The following PLCD1 variants were observed in gnomAD, a reference collection of about 807,000 sequenced individuals.
PLCD1 encodes 1-phosphatidylinositol 4,5-bisphosphate phosphodiesterase delta-1.
Under a neutral mutation model 87.4 loss-of-function variants are expected in PLCD1, and 71 were observed. The observed-to-expected ratio is 0.81, with a 90% CI of 0.67 to 0.99. The LOEUF is 0.99. Ranked by LOEUF, PLCD1 falls within the 50% of genes least tolerant of loss-of-function variation. The pLI, the probability that PLCD1 is intolerant of heterozygous loss-of-function variation, is 0.00. For synonymous variants in PLCD1, 348 were observed against 399.2 expected, an observed-to-expected ratio of 0.87 and a Z score of 1.53; for missense variants, 867 against 1,001.5, an observed-to-expected ratio of 0.87 and a Z score of 1.81.
At chr3:38,022,995 G>A (rs368713897) in intron 1 of PLCD1, among the ~76,000 whole-genome samples, 169 of 152,254 alleles carry the variant, frequency 1.1e-3, no homozygotes, top group African/African-American at 3.5e-3. Flanking sequence ...CCTCCTGTGG[G>A]AGGGTCGTGG....
intron 3 of PLCD1, among the ~76,000 whole-genome samples, chr3:38,012,630 C>T (rs1700097845): frequency 6.6e-6 from 1 of 151,444 alleles, no homozygotes; most frequent in South Asian, 2.1e-4. Flanking sequence ...AATTCTCCTG[C>T]CCTAGCCTCC....
Position 38,011,441 on chromosome 3 carries a change from C to A in PLCD1, c.563G>T (p.Cys188Phe), listed in dbSNP as rs772916492. Reference sequence around the variant, plus strand: ...CAGGGAGTCTGTCTGGGAGTGGTCACACTCCTGCAGAGCCAGGACAGCCGA... The same window carrying A: ...CAGGGAGTCTGTCTGGGAGTGGTCAAACTCCTGCAGAGCCAGGACAGCCGA... ...DSYARKIFRE[C>F]DHSQTDSLED... Residue 188 changes from cysteine to phenylalanine, a missense_variant, in exon 5 of 15, where the codon TGT becomes TTT. Transcript: ENST00000334661. 1 of 1,614,028 alleles carries A rather than the reference C, an allele frequency of 6.2e-7. No individual in the cohort carries two copies. Among genetic ancestry groups the A allele is most frequent in the Non-Finnish European group, 8.5e-7 (1 of 1,179,878 alleles).
At position 38,008,527 on chromosome 3, in the gene PLCD1, G is replaced by A. The variant is rs763233501; in HGVS notation, c.1833C>T (p.Pro611=). The change falls in exon 12 of 15, where the codon CCC becomes CCT. Residue 611 remains proline, a synonymous_variant. Coordinates refer to ENST00000334661, the MANE Select transcript of PLCD1 (RefSeq NM_006225.4). The part of the protein sequence containing the change: ...YVLKPAFLRD[P]NGTFNPRALA... ...GGGCGCGGGGGTTAAAGGTGCCGTTGGGGTCTCGCAGGAAGGCGGGCTTCA... is the reference window on the plus strand; with the variant it reads ...GGGCGCGGGGGTTAAAGGTGCCGTTAGGGTCTCGCAGGAAGGCGGGCTTCA... 1 of 1,614,196 alleles carries A rather than the reference G, an allele frequency of 6.2e-7. No homozygotes were observed. The highest frequency in any genetic ancestry group is 2.2e-5 in the East Asian group (1 of 44,880).
rs1244514203 is a variant in PLCD1 at position 38,025,850 on chromosome 3, C to G, written c.34+3656G>C. ...TCTTACTCTCAGCCTCTGAATAGTT[C>G]CCCCAGTTCGCTTCACTGCAGCTCC... On this transcript the variant is annotated intron_variant, in intron 1 of 14. Transcript: ENST00000334661. The surrounding 1 kb of genome is among the most constrained non-coding windows in gnomAD (Gnocchi z 4.0). Among the ~76,000 whole-genome samples the G allele has an allele frequency of 6.6e-6, 1 of 152,190 alleles. No homozygotes were observed. The highest frequency in any genetic ancestry group is 1.5e-5 in the Non-Finnish European group (1 of 68,046).
intron 3 of PLCD1, among the ~76,000 whole-genome samples, chr3:38,013,137 G>A (rs1227236367): frequency 1.3e-5 from 2 of 151,576 alleles, no homozygotes; most frequent in Non-Finnish European, 2.9e-5. Flanking sequence ...CGATCCACCT[G>A]CCTCAGCCTC....
At chr3:38,016,400 C>T (rs1244217555) in intron 3 of PLCD1, 91 bp downstream of exon 3, 9 of 827,730 alleles carry the variant, frequency 1.1e-5, no homozygotes, top group African/African-American at 1.7e-5. Context: ...CCCAAAGTAC[C>T]TAAACCAGCT....
At chr3:38,013,197 A>G (rs1408002196) in intron 3 of PLCD1, among the ~76,000 whole-genome samples, 1 of 132,066 alleles carries the variant, frequency 7.6e-6, no homozygotes, top group African/African-American at 2.9e-5. Flanking sequence ...GCCTTTCTGG[A>G]TTTTAATTTT....
chr3:38,010,188 G>T lies in PLCD1; in HGVS notation c.1080C>A (p.Phe360Leu). Residue 360 changes from phenylalanine (F) to leucine (L), a missense_variant, in exon 7 of 15, where the codon TTC becomes TTA. By Grantham distance (22) the Phe-to-Leu change is conservative. Coordinates refer to ENST00000334661, the MANE Select transcript of PLCD1 (RefSeq NM_006225.4). Reference protein sequence around the residue: ...QEPIIYHGYTFTSKILFCDVL... With the variant: ...QEPIIYHGYTLTSKILFCDVL... The stretch of plus-strand genomic sequence containing the variant: ...CATCGCAGAAGAGGATCTTGGAAGT[G>T]AAAGTATAGCCGTGGTAGATGATTG... 1.2e-6 allele frequency: 2 copies of T among 1,614,252 alleles called. No individual in the cohort carries two copies. Among genetic ancestry groups the T allele is most frequent in the Non-Finnish European group, 1.7e-6 (2 of 1,180,034 alleles).
At chr3:38,015,135 T>C (rs993612672) in intron 3 of PLCD1, among the ~76,000 whole-genome samples, 7 of 152,236 alleles carry the variant, frequency 4.6e-5, no homozygotes, top group African/African-American at 1.4e-4. Context: ...CCAAAACTTA[T>C]ACACGAATGT....
intron 5 of PLCD1, 80 bp downstream of exon 5, chr3:38,011,134 C>G: frequency 8.8e-7 from 1 of 1,130,268 alleles, no homozygotes; most frequent in Non-Finnish European, 1.3e-6. Context: ...TCCCTTCTTT[C>G]TGGCTGCAGT....
In PLCD1 at chr3:38,010,283, G is replaced by A; in HGVS notation, c.993-8C>T. On this transcript the variant is annotated splice_polypyrimidine_tract_variant and splice_region_variant and intron_variant, in intron 6 of 14. Coordinates refer to ENST00000334661, the MANE Select transcript of PLCD1 (RefSeq NM_006225.4). ...CAGCCTTTGCACAGTGCCCTGCGGG[G>A]AGGGTGGTGGCTAGGACCCTCCAGG... The A allele has an allele frequency of 1.9e-6, 3 of 1,614,242 alleles. No homozygotes were observed. The highest frequency in any genetic ancestry group is 2.5e-6 in the Non-Finnish European group (3 of 1,180,038).
In PLCD1 at chr3:38,016,635, C is replaced by T. The variant is rs372740772; in HGVS notation, c.284G>A (p.Arg95His). ...GTCCTTGAAGACAATGGAGAAGCAG[C>T]GGTCCTCGGGCACATCACGGGCGAA... is the stretch of plus-strand genomic sequence containing the variant. ...EKFARDVPED[R>H]CFSIVFKDQR... Residue 95 changes from arginine to histidine, a missense_variant, in exon 3 of 15, where the codon CGC (arginine) becomes CAC (histidine). Arg to His is a conservative substitution (Grantham distance 29). Coordinates refer to ENST00000334661, the MANE Select transcript of PLCD1 (RefSeq NM_006225.4). 1.1e-4 allele frequency: 174 copies of T among 1,609,286 alleles called. 1 individual carries two copies. The highest frequency in any genetic ancestry group is 1.6e-4 in the Middle Eastern group (1 of 6,082).
At chr3:38,021,697 T>C (rs1700236265) in intron 1 of PLCD1, among the ~76,000 whole-genome samples, 1 of 152,202 alleles carries the variant, frequency 6.6e-6, no homozygotes, top group Non-Finnish European at 1.5e-5. Flanking sequence ...TCCCTAGAAC[T>C]ATGTGGCCCA....
chr3:38,008,422 G>C, intron 12 of PLCD1, 36 bp downstream of exon 12: 2 of 1,614,110 alleles, frequency 1.2e-6, no homozygotes, highest in Non-Finnish European at 1.7e-6. Context: ...GGGAAGGGAG[G>C]TCCGTGGGCA....
At chr3:38,020,091 C>T in intron 2 of PLCD1, 97 bp downstream of exon 2, 1 of 1,128,278 alleles carries the variant, frequency 8.9e-7, no homozygotes, top group Non-Finnish European at 1.3e-6. Context: ...CTCAGTTTCC[C>T]CATCTGTGGT....
intron 1 of PLCD1, among the ~76,000 whole-genome samples, chr3:38,022,542 C>T (rs1700250453): frequency 6.6e-6 from 1 of 152,238 alleles, no homozygotes; most frequent in Non-Finnish European, 1.5e-5. Flanking sequence ...TTGAGCACCA[C>T]CCTCCTGTTC....
At chr3:38,010,306 AGGTCCTGTCCCG>A (rs1263724537) in intron 6 of PLCD1, 31 bp from the exon 7 acceptor site, 1 of 1,614,104 alleles carries the variant, frequency 6.2e-7, no homozygotes, top group Non-Finnish European at 8.5e-7. Context: ...AGGACCCTCC[AGGTCCTGTCCCG>A]GGTCCCACCC....
chr3:38,029,567 C>A lies in PLCD1; in HGVS notation c.-28G>T, dbSNP rs1455759631. 1 of 1,535,074 alleles carries A rather than the reference C, an allele frequency of 6.5e-7. No individual in the cohort carries two copies. On this transcript the variant is annotated 5_prime_UTR_variant, in exon 1 of 15. Transcript: ENST00000334661. The stretch of plus-strand genomic sequence containing the variant: ...CCGACGGGCGGCGCGGCGGGAGGGG[C>A]ACCGCGGGACTCACTTGAGTAGCGA...
Position 38,009,643 on chromosome 3 carries a change from C to A in PLCD1, c.1446+10G>T, listed in dbSNP as rs954753378. On this transcript the variant is annotated intron_variant, in intron 9 of 14. Coordinates refer to ENST00000334661, the MANE Select transcript of PLCD1 (RefSeq NM_006225.4). ...CCCGGGCTGCCCCACCCCACAGCTC[C>A]CCCTCAAACCTTGGGCTTGTGCTGC... 2 of 1,614,026 alleles carry A rather than the reference C, an allele frequency of 1.2e-6. No homozygotes were observed. The highest frequency in any genetic ancestry group is 2.7e-5 in the African/African-American group (2 of 75,028).
Sources: gnomAD v4.1 joint callset for allele counts (sites outside exome capture counted in the v4.1 genomes callset) on GRCh38, gnomAD v4.1.1 for gene constraint, Gnocchi (gnomAD v3.1) non-coding constraint, MANE v1.5 for transcripts, NCBI Gene and HGNC (gene_info 2026-07-23, HGNC 2026-07-21) for gene names.